Variants in TEAD1 observed in about 807,000 individuals in gnomAD.
TEAD1 encodes the protein transcriptional enhancer factor TEF-1.
In TEAD1, 9 loss-of-function variants were observed where a neutral mutation model predicts 54.9. The observed-to-expected ratio is 0.16, with a 90% CI of 0.10 to 0.29. The LOEUF (loss-of-function observed/expected upper bound fraction) is 0.29, where lower values mean the gene tolerates loss of function less well. Ranked by LOEUF, TEAD1 falls within the 10% of genes least tolerant of loss-of-function variation. The probability of loss-of-function intolerance (pLI) is 1.00; values close to 1 mark genes in which losing one functional copy is unlikely to be tolerated. For missense variants in TEAD1, 387 were observed against 535.9 expected (o/e 0.72, Z 2.74); for synonymous variants, 200 against 187.8 (o/e 1.07, Z -0.53).
chr11:12,696,562 G>C (rs776198147), intron 2 of TEAD1, among the ~76,000 whole-genome samples: 1 of 152,226 alleles, frequency 6.6e-6, no homozygotes, highest in African/African-American at 2.4e-5. Context: ...TCCATCTCTT[G>C]TGAGGGTTGG....
chr11:12,713,109 T>G (rs965445293), intron 2 of TEAD1, among the ~76,000 whole-genome samples: 3 of 152,192 alleles, frequency 2.0e-5, no homozygotes, highest in African/African-American at 7.2e-5. Flanking sequence ...AGCCTCGACC[T>G]TAGGGGCTCA....
At chr11:12,904,556 T>C (rs779144951) in intron 10 of TEAD1, among the ~76,000 whole-genome samples, 2 of 152,198 alleles carry the variant, frequency 1.3e-5, no homozygotes, top group Admixed American at 6.5e-5. Context: ...ACTTTTGATA[T>C]AGTATCAAAG....
intron 2 of TEAD1, among the ~76,000 whole-genome samples, chr11:12,732,154 G>A (rs1488715526): frequency 6.6e-6 from 1 of 151,852 alleles, no homozygotes. Flanking sequence ...AAAGTCAGCT[G>A]GTCATTATAT....
At chr11:12,740,441 T>C (rs1590103274) in intron 2 of TEAD1, among the ~76,000 whole-genome samples, 1 of 152,304 alleles carries the variant, frequency 6.6e-6, no homozygotes, top group East Asian at 1.9e-4. Flanking sequence ...TATGTGAAAA[T>C]TGTCACTAGA....
chr11:12,922,228 G>T (rs1948821048), intron 10 of TEAD1, among the ~76,000 whole-genome samples: 1 of 41,652 alleles, frequency 2.4e-5, no homozygotes, highest in Non-Finnish European at 4.6e-5. Context: ...ACGGAGTCTC[G>T]CTCTGTCGCC....
At chr11:12,862,499 T>C (rs1395574034) in intron 4 of TEAD1, among the ~76,000 whole-genome samples, 185 bp downstream of exon 4, 2 of 152,238 alleles carry the variant, frequency 1.3e-5, no homozygotes, top group Non-Finnish European at 2.9e-5. Flanking sequence ...TGACCCTTTA[T>C]TATGTGGTCT....
intron 3 of TEAD1, among the ~76,000 whole-genome samples, chr11:12,807,002 C>T (rs1328325365): frequency 6.6e-6 from 1 of 152,070 alleles, no homozygotes; most frequent in Non-Finnish European, 1.5e-5. Flanking sequence ...CAAATGTGAT[C>T]CAATTTTCTG....
At chr11:12,862,664 T>G (rs1947530845) in intron 4 of TEAD1, among the ~76,000 whole-genome samples, 1 of 152,212 alleles carries the variant, frequency 6.6e-6, no homozygotes, top group African/African-American at 2.4e-5. Flanking sequence ...TTGCAGGTCA[T>G]GAAATTTTGA....
intron 8 of TEAD1, among the ~76,000 whole-genome samples, chr11:12,882,522 C>A (rs1236313979): frequency 6.6e-6 from 1 of 152,168 alleles, no homozygotes; most frequent in African/African-American, 2.4e-5. Flanking sequence ...TATGGATTCC[C>A]CAAACTGAAA....
At chr11:12,795,487 G>T (rs867407060) in intron 3 of TEAD1, among the ~76,000 whole-genome samples, 2 of 152,134 alleles carry the variant, frequency 1.3e-5, no homozygotes, top group African/African-American at 2.4e-5. Flanking sequence ...CAGTAATTTG[G>T]GTATGGTCAC....
At chr11:12,717,262 G>T (rs980898890) in intron 2 of TEAD1, among the ~76,000 whole-genome samples, 7 of 152,182 alleles carry the variant, frequency 4.6e-5, no homozygotes, top group Non-Finnish European at 7.3e-5. Flanking sequence ...TGTGTGCTTG[G>T]TATTGTGTGT....
At chr11:12,889,088 G>GAAA (rs1948147599) in intron 9 of TEAD1, among the ~76,000 whole-genome samples, 1 of 152,176 alleles carries the variant, frequency 6.6e-6, no homozygotes, top group Non-Finnish European at 1.5e-5. Flanking sequence ...AACAGCAGAG[G>GAAA]GTGAAGAAAG....
chr11:12,805,566 G>C (rs2133981000), intron 3 of TEAD1, among the ~76,000 whole-genome samples: 2 of 152,218 alleles, frequency 1.3e-5, no homozygotes, highest in South Asian at 4.2e-4. Flanking sequence ...TAGGGCCTTA[G>C]GTCTACCCAT....
chr11:12,691,545 C>G (rs1196590252), intron 2 of TEAD1, among the ~76,000 whole-genome samples: 1 of 152,154 alleles, frequency 6.6e-6, no homozygotes, highest in Non-Finnish European at 1.5e-5. Flanking sequence ...TTGCTCATGC[C>G]TGGCCTCTTT....
chr11:12,889,798 TGCA>T (rs1395855686), intron 9 of TEAD1, among the ~76,000 whole-genome samples: 6 of 152,256 alleles, frequency 3.9e-5, no homozygotes, highest in Admixed American at 3.3e-4. Context: ...CACAGCTGAC[TGCA>T]GCCTCGACCT....
chr11:12,825,375 A>C (rs1045336098), intron 3 of TEAD1, among the ~76,000 whole-genome samples: 1 of 152,354 alleles, frequency 6.6e-6, no homozygotes, highest in Middle Eastern at 3.4e-3. Context: ...GAACCGACTA[A>C]TGAGTTCAGC....
intron 10 of TEAD1, among the ~76,000 whole-genome samples, chr11:12,911,359 T>C (rs1279867543): frequency 6.6e-6 from 1 of 152,180 alleles, no homozygotes; most frequent in East Asian, 1.9e-4. Flanking sequence ...ATGATTTAGA[T>C]TGGAATTGTA....
In TEAD1 at chr11:12,701,597, T is replaced by A. The variant is rs891948969; in HGVS notation, c.-55+26036T>A. ...ACTGTCTTTAGTTTCCAAAAGATGC[T>A]ATGAAATTTCAGTTCATTGTTTGCG... On this transcript the variant is annotated intron_variant, in intron 2 of 12. Transcript: ENST00000527636. 2.0e-5 allele frequency among the ~76,000 whole-genome samples: 3 copies of A among 152,176 alleles called. No homozygotes were observed. The South Asian group carries it at 6.2e-4, about 32-fold the overall frequency.
At chr11:12,846,529 T>G (rs1425869543) in intron 3 of TEAD1, among the ~76,000 whole-genome samples, 1 of 152,040 alleles carries the variant, frequency 6.6e-6, no homozygotes, top group Non-Finnish European at 1.5e-5. Context: ...GTCAAACTTC[T>G]GTGTGGTGAA....
Sources: allele counts gnomAD v4.1 joint callset (sites outside exome capture counted in the v4.1 genomes callset), GRCh38; gene constraint gnomAD v4.1.1; transcripts MANE v1.5; gene names NCBI Gene and HGNC (gene_info 2026-07-23, HGNC 2026-07-21).